The following AGMO variants were observed in gnomAD, a reference collection of about 807,000 sequenced individuals.
The protein encoded by AGMO is alkylglycerol monooxygenase, also known as glyceryl-ether monooxygenase.
Under a neutral mutation model 60.2 loss-of-function variants are expected in AGMO, and 75 were observed. That is an observed-to-expected ratio of 1.25 (90% CI 1.03 to 1.51). AGMO has a LOEUF of 1.51. Ranked by LOEUF, AGMO falls within the 40% of genes most tolerant of loss-of-function variation. The probability of loss-of-function intolerance (pLI) is 0.00; values close to 1 mark genes in which losing one functional copy is unlikely to be tolerated. For synonymous variants in AGMO, 261 were observed against 177.1 expected, an observed-to-expected ratio of 1.47 and a Z score of -3.76; for missense variants, 763 against 525.5, an observed-to-expected ratio of 1.45 and a Z score of -4.42.
chr7:15,530,331 CATATATATTCTATATACGTATTTCT>C (rs1784268585), intron 3 of AGMO, among the ~76,000 whole-genome samples: 1 of 65,780 alleles, frequency 1.5e-5, no homozygotes, highest in African/African-American at 6.4e-5. Flanking sequence ...TACGTATTTC[CATATATATTCTATATACGTATTTCT>C]ATATATATAT....
Position 15,561,940 on chromosome 7 carries a change from C to A in AGMO, c.-95G>T, listed in dbSNP as rs1302731888. 3.0e-6 allele frequency: 4 copies of A among 1,345,734 alleles called. No individual in the cohort carries two copies. Among genetic ancestry groups the A allele is most frequent in the East Asian group, 2.5e-5 (1 of 40,750 alleles). The allele number at this position is 1,345,734 out of a possible 1,614,324, so 83.4% of individuals were successfully genotyped here. ...AGAGGACGAGATGTGCAGCTCAGAA[C>A]AAGCTCTTTGTCAGAGAACAGCTAA... On this transcript the variant is annotated 5_prime_UTR_variant, in exon 1 of 13. Coordinates refer to ENST00000342526, the MANE Select transcript of AGMO (RefSeq NM_001004320.2).
intron 4 of AGMO, among the ~76,000 whole-genome samples, chr7:15,422,770 C>G (rs558420622): frequency 5.3e-4 from 80 of 152,142 alleles, no homozygotes; most frequent in Middle Eastern, 3.4e-3. Context: ...AATTGCCAAC[C>G]TGGTACAAGA....
At chr7:15,304,372 G>A (rs1382277352) in intron 12 of AGMO, among the ~76,000 whole-genome samples, 6 of 152,040 alleles carry the variant, frequency 3.9e-5, no homozygotes. Context: ...CTGTGGAAGG[G>A]AAGAATTGGA....
chr7:15,133,417 G>C, the AGMO span, among the ~76,000 whole-genome samples: 1 of 152,126 alleles, frequency 6.6e-6, no homozygotes, highest in Non-Finnish European at 1.5e-5. Context: ...CAGTTGAGTA[G>C]TTATTGTACG....
At chr7:15,269,367 G>A (rs1401049827) in intron 12 of AGMO, among the ~76,000 whole-genome samples, 2 of 152,030 alleles carry the variant, frequency 1.3e-5, no homozygotes, top group African/African-American at 2.4e-5. Flanking sequence ...TAGACTCTAA[G>A]TCAAGTAAAA....
chr7:15,479,886 A>G (rs957623361), intron 3 of AGMO, among the ~76,000 whole-genome samples: 7 of 152,164 alleles, frequency 4.6e-5, no homozygotes, highest in African/African-American at 1.4e-4. Flanking sequence ...TCAAAGAAAG[A>G]ACTCGATTAG....
chr7:15,403,180 TAAG>T (rs1382665304), intron 5 of AGMO, among the ~76,000 whole-genome samples: 3 of 151,988 alleles, frequency 2.0e-5, no homozygotes, highest in Non-Finnish European at 2.9e-5. Context: ...CATTGTCTAA[TAAG>T]AAGCAAAATG....
At chr7:15,196,949 G>T (rs1160400283), downstream of AGMO, among the ~76,000 whole-genome samples, 4 of 152,104 alleles carry the variant, frequency 2.6e-5, no homozygotes, top group Non-Finnish European at 4.4e-5. Flanking sequence ...TTTTCTAATT[G>T]TGTCTTGGGG....
At chr7:15,362,252 T>C (rs1261344059) in intron 12 of AGMO, among the ~76,000 whole-genome samples, 1 of 152,084 alleles carries the variant, frequency 6.6e-6, no homozygotes, top group East Asian at 1.9e-4. Context: ...ATTAATAATA[T>C]AAGAATTGGT....
intron 12 of AGMO, among the ~76,000 whole-genome samples, chr7:15,344,497 C>T (rs1219847024): frequency 6.6e-6 from 1 of 152,050 alleles, no homozygotes; most frequent in Non-Finnish European, 1.5e-5. Flanking sequence ...ATCAGGAGTT[C>T]AAGATAAGCC....
At chr7:15,219,699 G>C (rs1401524375) in intron 12 of AGMO, among the ~76,000 whole-genome samples, 2 of 152,188 alleles carry the variant, frequency 1.3e-5, no homozygotes, top group Middle Eastern at 3.4e-3. Flanking sequence ...AAGTGGATGA[G>C]AGTCCTGTTA....
At chr7:15,142,147 A>C in the AGMO span, among the ~76,000 whole-genome samples, 1 of 152,224 alleles carries the variant, frequency 6.6e-6, no homozygotes, top group Non-Finnish European at 1.5e-5. Flanking sequence ...CATTTTGCTA[A>C]TAATGACATT....
intron 12 of AGMO, among the ~76,000 whole-genome samples, chr7:15,235,720 C>T (rs1208847276): frequency 1.3e-5 from 2 of 152,108 alleles, no homozygotes; most frequent in African/African-American, 4.8e-5. Context: ...GGCATGCAGT[C>T]GAAATGCCCA....
chr7:15,237,332 C>T (rs551320140), intron 12 of AGMO, among the ~76,000 whole-genome samples: 5 of 152,088 alleles, frequency 3.3e-5, no homozygotes, highest in Non-Finnish European at 7.4e-5. Context: ...GAAAGTAGCA[C>T]AAAGGAAGGT....
chr7:15,117,574 C>T, the AGMO span, among the ~76,000 whole-genome samples: 1 of 152,036 alleles, frequency 6.6e-6, no homozygotes, highest in East Asian at 1.9e-4. Context: ...ACTGGGTACA[C>T]TGTTCAGTAT....
intron 3 of AGMO, among the ~76,000 whole-genome samples, chr7:15,475,778 C>A (rs911955996): frequency 2.6e-5 from 4 of 151,688 alleles, no homozygotes; most frequent in Admixed American, 2.6e-4. Flanking sequence ...TAAAATGCAA[C>A]TGAACTAGAT....
intron 12 of AGMO, among the ~76,000 whole-genome samples, chr7:15,352,388 T>C (rs1782274588): frequency 6.6e-6 from 1 of 151,778 alleles, no homozygotes; most frequent in South Asian, 2.1e-4. Context: ...GTCTCACAAC[T>C]ACAAACTCAC....
At chr7:15,402,945 A>G (rs182374942) in intron 5 of AGMO, among the ~76,000 whole-genome samples, 1 of 151,916 alleles carries the variant, frequency 6.6e-6, no homozygotes, top group Non-Finnish European at 1.5e-5. Flanking sequence ...GATGTAATAC[A>G]CAAGCATTGC....
the AGMO span, among the ~76,000 whole-genome samples, chr7:15,191,422 G>A: frequency 6.6e-6 from 1 of 152,134 alleles, no homozygotes; most frequent in Non-Finnish European, 1.5e-5. Flanking sequence ...GATTACTTCA[G>A]TCTAAGATGG....
Sources: gnomAD v4.1 joint callset for allele counts (sites outside exome capture counted in the v4.1 genomes callset) on GRCh38, gnomAD v4.1.1 for gene constraint, MANE v1.5 for transcripts, NCBI Gene and HGNC (gene_info 2026-07-23, HGNC 2026-07-21) for gene names.